FRMD5: variants seen among roughly 807,000 people sequenced by gnomAD.
FRMD5 encodes the protein FERM domain containing 5.
Under a neutral mutation model 69.0 loss-of-function variants are expected in FRMD5, and 20 were observed. That is an observed-to-expected ratio of 0.29 (90% CI 0.20 to 0.42). The LOEUF (loss-of-function observed/expected upper bound fraction) is 0.42. Among genes scored for constraint, FRMD5 ranks in the 10% least tolerant of loss-of-function variants. FRMD5 has a pLI of 1.00. For synonymous variants in FRMD5, 271 were observed against 260.1 expected, an observed-to-expected ratio of 1.04 and a Z score of -0.40; for missense variants, 595 against 708.6, an observed-to-expected ratio of 0.84 and a Z score of 1.82.
chr15:43,960,701 A>T lies in FRMD5; in HGVS notation c.103-36392T>A, dbSNP rs184297545. Among the ~76,000 whole-genome samples the T allele has an allele frequency of 3.7e-3, 565 of 152,338 alleles. 1 individual carries two copies. Among genetic ancestry groups the T allele is most frequent in the African/African-American group, 1.0e-2 (414 of 41,578 alleles). The stretch of plus-strand genomic sequence containing the variant: ...GCCTGGTCTAAAATGATTATTTTTT[A>T]AAAATGAGATCCATATAATGAAAAC... On this transcript the variant is annotated intron_variant, in intron 1 of 13. Coordinates refer to ENST00000417257, the MANE Select transcript of FRMD5 (RefSeq NM_032892.5).
intron 1 of FRMD5, among the ~76,000 whole-genome samples, chr15:44,083,379 C>T (rs1393027189): frequency 6.6e-6 from 1 of 151,932 alleles, no homozygotes; most frequent in Non-Finnish European, 1.5e-5. Flanking sequence ...TTTTCTCATG[C>T]CAGTCTTGCA....
At chr15:43,972,830 T>C (rs549578096) in intron 1 of FRMD5, among the ~76,000 whole-genome samples, 1 of 152,350 alleles carries the variant, frequency 6.6e-6, no homozygotes, top group South Asian at 2.1e-4. Context: ...TTCTACCCAC[T>C]GACCCTAGCT....
intron 1 of FRMD5, among the ~76,000 whole-genome samples, chr15:44,035,944 T>C (rs1415926078): frequency 6.6e-6 from 1 of 152,214 alleles, no homozygotes; most frequent in Non-Finnish European, 1.5e-5. Flanking sequence ...ATGTTATACA[T>C]GTGCTCCTGA....
intron 1 of FRMD5, among the ~76,000 whole-genome samples, chr15:44,071,336 A>G (rs1234395457): frequency 1.3e-5 from 2 of 152,140 alleles, no homozygotes; most frequent in Non-Finnish European, 2.9e-5. Context: ...GCTGAGGAGG[A>G]AGATCATCGG....
At chr15:43,906,769 T>A (rs564278601) in intron 5 of FRMD5, among the ~76,000 whole-genome samples, 3 of 136,296 alleles carry the variant, frequency 2.2e-5, no homozygotes, top group Admixed American at 2.1e-4. Context: ...GCCCGGCTGA[T>A]TTTTTGTATT....
chr15:44,191,026 C>T (rs1361015777), intron 1 of FRMD5, among the ~76,000 whole-genome samples: 2 of 152,296 alleles, frequency 1.3e-5, no homozygotes, highest in South Asian at 2.1e-4. Flanking sequence ...ATTGGTTATA[C>T]TATGGAAATG....
Position 44,081,087 on chromosome 15 carries a change from A to G in FRMD5, c.102+113866T>C, listed in dbSNP as rs191064643. Among the ~76,000 whole-genome samples, 938 of 152,234 alleles carry G rather than the reference A, an allele frequency of 6.2e-3. 4 individuals are homozygous for G. Among genetic ancestry groups the G allele is most frequent in the Non-Finnish European group, 0.01 (706 of 67,972 alleles). The stretch of plus-strand genomic sequence containing the variant: ...AGAGATTCACAGCCAAAAATAAGGC[A>G]GGAGGTCAAGGAAGGCTCCTTATGC... On this transcript the variant is annotated intron_variant, in intron 1 of 13. Coordinates refer to ENST00000417257, the MANE Select transcript of FRMD5 (RefSeq NM_032892.5).
chr15:44,135,544 T>G (rs745540139), intron 1 of FRMD5, among the ~76,000 whole-genome samples: 5 of 152,126 alleles, frequency 3.3e-5, no homozygotes, highest in Non-Finnish European at 7.4e-5. Flanking sequence ...AACTACAAAT[T>G]GGGTCAGGCA....
chr15:44,008,510 C>T (rs1890563078), intron 1 of FRMD5, among the ~76,000 whole-genome samples: 1 of 151,950 alleles, frequency 6.6e-6, no homozygotes, highest in African/African-American at 2.4e-5. Flanking sequence ...AAGTGATCTG[C>T]CTGCCTCAGC....
chr15:44,140,995 T>C (rs2077265999), intron 1 of FRMD5, among the ~76,000 whole-genome samples: 1 of 28,048 alleles, frequency 3.6e-5, no homozygotes, highest in Admixed American at 5.0e-4. Flanking sequence ...TTCTCTTACA[T>C]ACCGTAATAA....
At chr15:44,039,440 C>T (rs542427071) in intron 1 of FRMD5, among the ~76,000 whole-genome samples, 1 of 152,290 alleles carries the variant, frequency 6.6e-6, no homozygotes, top group Admixed American at 6.5e-5. Context: ...TGGCAACTGG[C>T]AGGTGCCACT....
chr15:44,122,565 C>T (rs1388310931), intron 1 of FRMD5, among the ~76,000 whole-genome samples: 5 of 150,364 alleles, frequency 3.3e-5, no homozygotes, highest in Non-Finnish European at 1.5e-5. Flanking sequence ...TGAGACCCTG[C>T]CTCAAACAAA....
In FRMD5 at chr15:43,912,999, C is replaced by T. The variant is rs569189856; in HGVS notation, c.330-3020G>A. Among the ~76,000 whole-genome samples, 73 of 148,880 alleles carry T rather than the reference C, an allele frequency of 4.9e-4. 1 individual carries two copies. Among genetic ancestry groups the T allele is most frequent in the African/African-American group, 1.8e-3 (71 of 40,072 alleles). ...AGTGCGCCAAGATCGTGCCACTGCA[C>T]TTCAGCCTGGCTGACGAGAGCAAAA... On this transcript the variant is annotated intron_variant, in intron 4 of 13. Transcript: ENST00000417257.
At chr15:43,950,772 T>C (rs1337885122) in intron 1 of FRMD5, among the ~76,000 whole-genome samples, 1 of 152,254 alleles carries the variant, frequency 6.6e-6, no homozygotes, top group Non-Finnish European at 1.5e-5. Flanking sequence ...AATGGTTTAC[T>C]CCAGCTGCCT....
intron 1 of FRMD5, among the ~76,000 whole-genome samples, chr15:44,142,226 A>G (rs1021149255): frequency 1.3e-5 from 2 of 152,214 alleles, no homozygotes; most frequent in Non-Finnish European, 2.9e-5. Context: ...CAATCAGTCC[A>G]TATTTTTCTA....
intron 4 of FRMD5, among the ~76,000 whole-genome samples, chr15:43,914,745 G>C (rs1384346403): frequency 5.2e-5 from 1 of 19,176 alleles, no homozygotes; most frequent in Non-Finnish European, 7.9e-5. Context: ...TTTTTTTTTT[G>C]AGATGGAGTC....
At chr15:43,989,714 T>A in intron 1 of FRMD5, 2 of 994,328 alleles carry the variant, frequency 2.0e-6, no homozygotes, top group Non-Finnish European at 3.2e-6. Flanking sequence ...GGTGACCCCG[T>A]CATCGTAGTC....
chr15:44,063,654 G>A (rs1407179470), intron 1 of FRMD5: 1 of 450,150 alleles, frequency 2.2e-6, no homozygotes, highest in Admixed American at 2.5e-5. Flanking sequence ...ACATGTTCTA[G>A]TATGATTCCA....
At chr15:43,919,987 T>C (rs1158841193) in intron 2 of FRMD5, among the ~76,000 whole-genome samples, 178 bp from the exon 3 acceptor site, 1 of 152,226 alleles carries the variant, frequency 6.6e-6, no homozygotes, top group Non-Finnish European at 1.5e-5. Context: ...TGAGCTCCCA[T>C]GGAGCCAGCT....
Sources: gnomAD v4.1 joint callset for allele counts (sites outside exome capture counted in the v4.1 genomes callset) on GRCh38, gnomAD v4.1.1 for gene constraint, MANE v1.5 for transcripts, NCBI Gene and HGNC (gene_info 2026-07-23, HGNC 2026-07-21) for gene names.